The following SEMA3A variants were observed in gnomAD, a reference collection of about 807,000 sequenced individuals.
SEMA3A encodes semaphorin-3A.
Under a neutral mutation model 97.9 loss-of-function variants are expected in SEMA3A, and 29 were observed. The observed-to-expected ratio is 0.30, with a 90% CI of 0.22 to 0.40. SEMA3A has a LOEUF of 0.40. Among genes scored for constraint, SEMA3A ranks in the 10% least tolerant of loss-of-function variants. SEMA3A has a pLI of 1.00. For synonymous variants in SEMA3A, 321 were observed against 323.7 expected (o/e 0.99, Z 0.09); for missense variants, 763 against 951.3 (o/e 0.80, Z 2.60).
chr7:84,100,898 G>A (rs1318419523), intron 4 of SEMA3A, among the ~76,000 whole-genome samples: 5 of 152,106 alleles, frequency 3.3e-5, no homozygotes, highest in South Asian at 4.1e-4. Flanking sequence ...CTTTATTGCA[G>A]AAGGTTTGCT....
At chr7:84,187,467 G>T (rs997415482) in intron 1 of SEMA3A, among the ~76,000 whole-genome samples, 1 of 152,170 alleles carries the variant, frequency 6.6e-6, no homozygotes, top group Admixed American at 6.6e-5. Context: ...CATATTTATT[G>T]TATGTTTCCT....
chr7:84,429,541 T>G lies in SEMA3A; in HGVS notation c.-245-57641A>C, dbSNP rs1163279060. Among the ~76,000 whole-genome samples, 32 of 120,678 alleles carry G rather than the reference T, an allele frequency of 2.7e-4. 1 individual carries two copies. The highest frequency in any genetic ancestry group is 8.4e-4 in the African/African-American group (27 of 32,012). 79.2% of individuals were successfully genotyped at this position (120,678 alleles called of 152,430 possible). ...TTATATATATATATATATATATATA[T>G]ATATATAGCGAGAGAGAGAGAGAGA... On this transcript the variant is annotated intron_variant, in intron 1 of 3. Transcript: ENST00000424555.
chr7:84,324,952 CA>C (rs1801736305), intron 2 of SEMA3A, among the ~76,000 whole-genome samples: 1 of 152,088 alleles, frequency 6.6e-6, no homozygotes, highest in Non-Finnish European at 1.5e-5. Context: ...CTCCATCCGT[CA>C]AAGACCTTAC....
rs766825629 is a variant in SEMA3A at position 84,094,244 on chromosome 7, A to G, written c.453+16226T>C. 5.7e-4 allele frequency among the ~76,000 whole-genome samples: 87 copies of G among 152,186 alleles called. 1 individual carries two copies. Among genetic ancestry groups the G allele is most frequent in the Middle Eastern group, 3.4e-3 (1 of 294 alleles). On this transcript the variant is annotated intron_variant, in intron 4 of 16. Transcript: ENST00000265362. ...GAGAAAAGTCCACTTAGTTCATTAC[A>G]TACAGGCACCATCTTTGAGGCAAAC...
At chr7:84,268,883 G>A (rs552495080) in intron 3 of SEMA3A, among the ~76,000 whole-genome samples, 160 of 152,244 alleles carry the variant, frequency 1.1e-3, no homozygotes, top group African/African-American at 3.8e-3. Flanking sequence ...TCCAGCTCAA[G>A]GAAAATGAAT....
At chr7:84,355,647 T>A (rs1250854155) in intron 2 of SEMA3A, among the ~76,000 whole-genome samples, 2 of 151,868 alleles carry the variant, frequency 1.3e-5, no homozygotes, top group Admixed American at 1.3e-4. Flanking sequence ...TATATTACTC[T>A]CATCAGTAAT....
rs561414566 is a variant in SEMA3A, at chr7:84,408,798, A to G, written c.-245-36898T>C. Among the ~76,000 whole-genome samples, 5 of 152,024 alleles carry G rather than the reference A, an allele frequency of 3.3e-5. No individual in the cohort carries two copies. In the South Asian group the frequency reaches 8.3e-4, roughly 25 times the overall value. On this transcript the variant is annotated intron_variant, in intron 1 of 3. Coordinates refer to the SEMA3A transcript ENST00000424555. The stretch of plus-strand genomic sequence containing the variant: ...TCTCAGCAAACTATCGCAAGGACAA[A>G]AAACCAAACACCACATGTTCTCACT...
chr7:84,468,196 C>A (rs895687667), intron 1 of SEMA3A, among the ~76,000 whole-genome samples: 5 of 152,074 alleles, frequency 3.3e-5, no homozygotes, highest in African/African-American at 1.2e-4. Context: ...ACACTCTCTT[C>A]CCCCCACATT....
intron 1 of SEMA3A, among the ~76,000 whole-genome samples, chr7:84,460,227 C>G (rs1394166163): frequency 3.3e-5 from 5 of 152,044 alleles, no homozygotes; most frequent in Admixed American, 2.0e-4. Flanking sequence ...GATAGATTGT[C>G]TAATCCTGCA....
chr7:84,482,663 C>G (rs1448157016), intron 1 of SEMA3A, among the ~76,000 whole-genome samples: 1 of 152,168 alleles, frequency 6.6e-6, no homozygotes, highest in Non-Finnish European at 1.5e-5. Context: ...TTAAGGCATG[C>G]TAACCTCATG....
chr7:83,997,063 T>C (rs1584524674), intron 12 of SEMA3A, among the ~76,000 whole-genome samples: 1 of 152,312 alleles, frequency 6.6e-6, no homozygotes, highest in East Asian at 1.9e-4. Context: ...GAAATGGGTG[T>C]AGCACTGGTT....
chr7:84,158,434 G>A (rs1796922281), intron 1 of SEMA3A, among the ~76,000 whole-genome samples: 1 of 152,054 alleles, frequency 6.6e-6, no homozygotes, highest in African/African-American at 2.4e-5. Context: ...TTATAGGCGT[G>A]AGCCACCACA....
At position 84,419,523 on chromosome 7, in the gene SEMA3A, T is replaced by A. The variant is rs552039311; in HGVS notation, c.-245-47623A>T. Among the ~76,000 whole-genome samples the A allele has an allele frequency of 2.9e-5, 4 of 137,152 alleles. No individual in the cohort carries two copies. In the South Asian group the frequency reaches 8.8e-4, roughly 30 times the overall value. 90.0% of individuals were successfully genotyped at this position (137,152 alleles called of 152,430 possible). A position where few individuals can be genotyped will look rare whatever the true frequency, so the allele number is the denominator to read the frequency against. On this transcript the variant is annotated intron_variant, in intron 1 of 3. Transcript: ENST00000424555. ...AGGCAAACATAATCTCACAGCTGCA[T>A]GAGACCAAAAAAAAAAAAAAATAGT... is the stretch of plus-strand genomic sequence containing the variant.
chr7:84,136,076 C>A (rs1410159177), intron 1 of SEMA3A, among the ~76,000 whole-genome samples: 1 of 152,092 alleles, frequency 6.6e-6, no homozygotes, highest in African/African-American at 2.4e-5. Context: ...CACACACACA[C>A]CCCACCCCCA....
intron 3 of SEMA3A, among the ~76,000 whole-genome samples, chr7:84,202,487 G>A (rs1027880909): frequency 6.6e-6 from 1 of 152,070 alleles, no homozygotes; most frequent in Non-Finnish European, 1.5e-5. Context: ...ATCACTTATG[G>A]AAATAGGAAA....
intron 4 of SEMA3A, among the ~76,000 whole-genome samples, chr7:84,087,105 T>C (rs1794406803): frequency 1.3e-5 from 2 of 152,146 alleles, no homozygotes; most frequent in South Asian, 4.1e-4. Flanking sequence ...TTTTTTGTTG[T>C]ATTATTCCTA....
intron 2 of SEMA3A, among the ~76,000 whole-genome samples, chr7:84,348,271 T>C (rs551473446): frequency 6.6e-6 from 1 of 152,324 alleles, no homozygotes; most frequent in South Asian, 2.1e-4. Flanking sequence ...ATTGTTTAAG[T>C]AGAAATAATA....
At chr7:83,975,528 CAT>C (rs1789109798) in intron 15 of SEMA3A, among the ~76,000 whole-genome samples, 4 of 152,058 alleles carry the variant, frequency 2.6e-5, no homozygotes, top group Admixed American at 2.0e-4. Context: ...AGTAATAAGA[CAT>C]GTATCTAGAT....
At chr7:84,230,713 TAC>T in intron 3 of SEMA3A, among the ~76,000 whole-genome samples, 1 of 152,120 alleles carries the variant, frequency 6.6e-6, no homozygotes. Flanking sequence ...TTCTCTTGAT[TAC>T]AGTTTTGCAA....
Sources: allele counts gnomAD v4.1 joint callset (sites outside exome capture counted in the v4.1 genomes callset), GRCh38; gene constraint gnomAD v4.1.1; transcripts MANE v1.5; gene names NCBI Gene and HGNC (gene_info 2026-07-23, HGNC 2026-07-21).